MDK: variants seen among roughly 807,000 people sequenced by gnomAD.
The protein encoded by MDK is midkine.
A neutral mutation model predicts 18.9 loss-of-function variants in MDK; 17 were observed. That is an observed-to-expected ratio of 0.90 (90% confidence interval 0.62 to 1.35). MDK has a LOEUF of 1.35. Among genes scored for constraint, MDK ranks in the 40% most tolerant of loss-of-function variants. MDK has a pLI of 0.00. For synonymous variants in MDK, 86 were observed against 74.3 expected, an observed-to-expected ratio of 1.16 and a Z score of -0.81; for missense variants, 180 against 186.3, an observed-to-expected ratio of 0.97 and a Z score of 0.20.
At position 46,382,307 on chromosome 11, in the gene MDK, G is replaced by A. The variant is rs549989631; in HGVS notation, c.90G>A (p.Lys30=). 1.2e-6 allele frequency: 2 copies of A among 1,608,470 alleles called. No individual in the cohort carries two copies. The highest frequency in any genetic ancestry group is 1.3e-5 in the African/African-American group (1 of 74,878). The change falls in exon 3 of 5, where the codon AAG becomes AAA. Residue 30 remains lysine, a synonymous_variant. Transcript: ENST00000395566. The part of the protein sequence containing the change: ...AVAKKKDKVK[K]GGPGSECAEW... ...CGCGCGTTGTAGATAAGGTGAAGAA[G>A]GGCGGCCCGGGGAGCGAGTGCGCTG...
At chr11:46,382,545 C>T in intron 3 of MDK, 42 bp from the exon 4 acceptor site, 4 of 1,569,848 alleles carry the variant, frequency 2.5e-6, no homozygotes, top group Non-Finnish European at 3.5e-6. Context: ...GAGGGCGGGG[C>T]CGCGGGCCGC....
chr11:46,381,786 CCGGCCG>C (rs932493095), intron 1 of MDK, 28 bp downstream of exon 1: 1 of 329,138 alleles, frequency 3.0e-6, no homozygotes, highest in Non-Finnish European at 5.4e-6. Context: ...CCTGGTCCGC[CCGGCCG>C]CGGCCGATCT....
chr11:46,382,163 G>C (rs761064930), intron 2 of MDK, 30 bp downstream of exon 2: 8 of 1,609,538 alleles, frequency 5.0e-6, no homozygotes, highest in Non-Finnish European at 5.9e-6. Flanking sequence ...GGAGGGCTGG[G>C]GACGGGCAGG....
At chr11:46,382,944 G>A in intron 4 of MDK, 196 bp downstream of exon 4, 1 of 656,134 alleles carries the variant, frequency 1.5e-6, no homozygotes, top group Admixed American at 2.9e-5. Flanking sequence ...GTGATGCTGG[G>A]GACATAAATC....
chr11:46,383,801 A>C lies in MDK; in HGVS notation c.*307A>C. 8.7e-6 allele frequency: 4 copies of C among 457,874 alleles called. No individual in the cohort carries two copies. Among genetic ancestry groups the C allele is most frequent in the Non-Finnish European group, 4.1e-6 (1 of 243,860 alleles). The allele number at this position is 457,874 out of a possible 1,614,324, so 28.4% of individuals were successfully genotyped here. On this transcript the variant is annotated 3_prime_UTR_variant, in exon 5 of 5. Transcript: ENST00000395566. ...CAAATAAACTGACTTTTTCCCCCCA[A>C]TAAAAGCTCTTCTTTTTTAATATAT...
chr11:46,380,926 G>A (rs886975565), upstream of MDK: 2 of 152,298 alleles, frequency 1.3e-5, no homozygotes, highest in African/African-American at 4.8e-5. Context: ...CACAGGCCCA[G>A]GGTTAGAGGG....
At position 46,382,103 on chromosome 11, in the gene MDK, G is replaced by A; in HGVS notation, c.46G>A (p.Ala16Thr). The A allele has an allele frequency of 1.2e-6, 2 of 1,611,268 alleles. No homozygotes were observed. The highest frequency in any genetic ancestry group is 1.7e-6 in the Non-Finnish European group (2 of 1,179,274). ...CCTCCTCACCCTCCTCGCCCTGCTGGCGCTCACCTCCGCGGTCGCCAAAAA... is the reference window on the plus strand; with the variant it reads ...CCTCCTCACCCTCCTCGCCCTGCTGACGCTCACCTCCGCGGTCGCCAAAAA... ...FLLLTLLALL[A>T]LTSAVAKKKD... The change falls in exon 2 of 5, where the codon GCG becomes ACG. Residue 16 changes from alanine to threonine, a missense_variant. Transcript: ENST00000395566.
chr11:46,382,736 G>A lies in MDK; in HGVS notation c.394G>A (p.Ala132Thr), dbSNP rs1459950214. The A allele has an allele frequency of 6.5e-7, 1 of 1,528,392 alleles. No homozygotes were observed. The allele number at this position is 1,528,392 out of a possible 1,614,324, so 94.7% of individuals were successfully genotyped here. A position where few individuals can be genotyped will look rare whatever the true frequency, so the allele number is the denominator to read the frequency against. The change falls in exon 4 of 5, where the codon GCA becomes ACA. Residue 132 changes from alanine to threonine, a missense_variant. Physicochemically the swap from Ala to Thr is moderately conservative, Grantham distance 58. Coordinates refer to ENST00000395566, the MANE Select transcript of MDK (RefSeq NM_002391.6). ...VTKPCTPKTK[A>T]KAKAKKGKGK... is the part of the protein sequence containing the mutation. Reference sequence around the variant, plus strand: ...CAAGCCCTGCACCCCCAAGACCAAAGCAAAGGCCAAAGGTCAGCGAAAGGA... The same window carrying A: ...CAAGCCCTGCACCCCCAAGACCAAAACAAAGGCCAAAGGTCAGCGAAAGGA...
chr11:46,383,111 A>G (rs926625270), intron 4 of MDK: 63 of 426,896 alleles, frequency 1.5e-4, no homozygotes, highest in African/African-American at 1.1e-3. Flanking sequence ...GAGGAGGTCA[A>G]GGCCCACCCT....
chr11:46,381,920 G>A (rs1945192359), intron 1 of MDK, 137 bp from the exon 2 acceptor site: 3 of 902,754 alleles, frequency 3.3e-6, no homozygotes, highest in East Asian at 2.7e-5. Context: ...GCCGCCCCAA[G>A]TCTTCCCACC....
In MDK at chr11:46,383,720, T is replaced by G. The variant is rs1372403047; in HGVS notation, c.*226T>G. 1 of 667,484 alleles carries G rather than the reference T, an allele frequency of 1.5e-6. No homozygotes were observed. The highest frequency in any genetic ancestry group is 1.8e-5 in the African/African-American group (1 of 56,624). The allele number at this position is 667,484 out of a possible 1,614,324, so 41.3% of individuals were successfully genotyped here. A position where few individuals can be genotyped will look rare whatever the true frequency, so the allele number is the denominator to read the frequency against. ...AGCTTGAGCCTCCCCCAAAGCAATG[T>G]GAGTCCCAGAGCCCGCTTTTGTTCT... On this transcript the variant is annotated 3_prime_UTR_variant, in exon 5 of 5. Transcript: ENST00000395566.
chr11:46,381,918 A>T, intron 1 of MDK, 139 bp from the exon 2 acceptor site: 1 of 869,006 alleles, frequency 1.2e-6, no homozygotes, highest in Non-Finnish European at 1.8e-6. Context: ...GGGCCGCCCC[A>T]AGTCTTCCCA....
In MDK at chr11:46,382,717, C is replaced by T. The variant is rs1945249052; in HGVS notation, c.375C>T (p.Pro125=). 10 of 1,612,766 alleles carry T rather than the reference C, an allele frequency of 6.2e-6. No homozygotes were observed. Among genetic ancestry groups the T allele is most frequent in the Non-Finnish European group, 8.5e-6 (10 of 1,179,804 alleles). Residue 125 remains proline (P), a synonymous_variant, in exon 4 of 5, where the codon CCC becomes CCT. Coordinates refer to ENST00000395566, the MANE Select transcript of MDK (RefSeq NM_002391.6). ...AGGAGACCATCCGCGTCACCAAGCC[C>T]TGCACCCCCAAGACCAAAGCAAAGG... is the stretch of plus-strand genomic sequence containing the variant. The part of the protein sequence containing the change: ...QCQETIRVTK[P]CTPKTKAKAK...
chr11:46,383,425 C>CCTAA (rs1945280577), intron 4 of MDK, 44 bp from the exon 5 acceptor site: 1 of 1,518,580 alleles, frequency 6.6e-7, no homozygotes, highest in Non-Finnish European at 8.9e-7. Flanking sequence ...AATGGGTCAG[C>CCTAA]CTAACTGCTG....
At position 46,382,091 on chromosome 11, in the gene MDK, C is replaced by T. The variant is rs750319982; in HGVS notation, c.34C>T (p.Leu12Phe). Residue 12 changes from leucine (L) to phenylalanine (F), a missense_variant, in exon 2 of 5, where the codon CTC becomes TTC. Leu to Phe is a conservative substitution (Grantham distance 22). Transcript: ENST00000395566. ...CCGAGGCTTCCTCCTCCTCACCCTC[C>T]TCGCCCTGCTGGCGCTCACCTCCGC... Reference protein sequence around the residue: ...QHRGFLLLTLLALLALTSAVA... With the variant: ...QHRGFLLLTLFALLALTSAVA... 2 of 1,610,798 alleles carry T rather than the reference C, an allele frequency of 1.2e-6. No homozygotes were observed. The highest frequency in any genetic ancestry group is 1.1e-5 in the South Asian group (1 of 90,542).
intron 4 of MDK, 53 bp downstream of exon 4, chr11:46,382,801 CCCCCG>C: frequency 6.6e-7 from 1 of 1,524,016 alleles, no homozygotes; most frequent in Non-Finnish European, 8.9e-7. Flanking sequence ...CCCCCCCCCC[CCCCCG>C]CCTGTGAGGG....
chr11:46,382,800 C>T (rs575761440), intron 4 of MDK, 52 bp downstream of exon 4: 9 of 1,522,972 alleles, frequency 5.9e-6, no homozygotes, highest in Non-Finnish European at 4.4e-6. Flanking sequence ...GCCCCCCCCC[C>T]CCCCCGCCTG....
intron 1 of MDK, 116 bp downstream of exon 1, chr11:46,381,874 C>T: frequency 1.7e-6 from 1 of 602,926 alleles, no homozygotes; most frequent in South Asian, 2.1e-5. Context: ...CCCGGGGAGT[C>T]GCCTCTTAGC....
In MDK at chr11:46,382,640, A is replaced by G. The variant is rs754954347; in HGVS notation, c.298A>G (p.Thr100Ala). 1 of 1,612,800 alleles carries G rather than the reference A, an allele frequency of 6.2e-7. No individual in the cohort carries two copies. The highest frequency in any genetic ancestry group is 1.7e-5 in the Admixed American group (1 of 59,960). ...GGGTGCGTGTGATGGGGGCACAGGC[A>G]CCAAAGTCCGCCAAGGCACCCTGAA... is the stretch of plus-strand genomic sequence containing the variant. ...NWGACDGGTG[T>A]KVRQGTLKKA... The change falls in exon 4 of 5, where the codon ACC (threonine) becomes GCC (alanine). Residue 100 changes from threonine to alanine, a missense_variant. By Grantham distance (58) the Thr-to-Ala change is moderately conservative (BLOSUM62 0). Coordinates refer to ENST00000395566, the MANE Select transcript of MDK (RefSeq NM_002391.6).
Sources: gnomAD v4.1 joint callset for allele counts on GRCh38, gnomAD v4.1.1 for gene constraint, MANE v1.5 for transcripts, NCBI Gene and HGNC (gene_info 2026-07-23, HGNC 2026-07-21) for gene names.